ASB15: variants seen among roughly 807,000 people sequenced by gnomAD.
The protein encoded by ASB15 is ankyrin repeat and SOCS box containing 15.
A neutral mutation model predicts 58.0 loss-of-function variants in ASB15; 54 were observed. The ratio of observed to expected loss-of-function variants is 0.93; its 90% CI spans 0.75 to 1.17. ASB15 has a LOEUF of 1.17. ASB15 is among the 50% of genes most tolerant of loss of function. ASB15 has a pLI of 0.00. For missense variants in ASB15, 680 were observed against 707.4 expected (o/e 0.96, Z 0.44); for synonymous variants, 249 against 262.4 (o/e 0.95, Z 0.50).
intron 1 of ASB15, among the ~76,000 whole-genome samples, chr7:123,578,603 C>A (rs1193156284): frequency 6.6e-6 from 1 of 151,926 alleles, no homozygotes; most frequent in East Asian, 1.9e-4. Context: ...TTATGGAGAC[C>A]TTTGCCAATT....
chr7:123,624,810 C>T lies in ASB15; in HGVS notation c.693C>T (p.His231=). The change falls in exon 8 of 12, where the codon CAC becomes CAT. Residue 231 remains histidine (H), a synonymous_variant. Transcript: ENST00000451215. ...GHCDVLEHLI[H]KGGDVLALAD... ...GTGACGTGTTAGAACATCTAATCCACAAAGGTATGTGAAAAGGAGTTACAC... is the reference window on the plus strand; with the variant it reads ...GTGACGTGTTAGAACATCTAATCCATAAAGGTATGTGAAAAGGAGTTACAC... The T allele has an allele frequency of 6.2e-7, 1 of 1,613,510 alleles. No homozygotes were observed. The highest frequency in any genetic ancestry group is 8.5e-7 in the Non-Finnish European group (1 of 1,179,662).
chr7:123,572,918 T>C (rs1798954299), intron 1 of ASB15, among the ~76,000 whole-genome samples: 1 of 152,094 alleles, frequency 6.6e-6, no homozygotes, highest in South Asian at 2.1e-4. Context: ...TTTTTTCTCT[T>C]TTTTGTCTTT....
At chr7:123,578,723 G>C (rs1220114071) in intron 1 of ASB15, among the ~76,000 whole-genome samples, 1 of 151,950 alleles carries the variant, frequency 6.6e-6, no homozygotes, top group African/African-American at 2.4e-5. Context: ...TTGAATGCAC[G>C]GTTAGAATTT....
intron 1 of ASB15, among the ~76,000 whole-genome samples, chr7:123,584,446 A>G (rs189074143): frequency 2.0e-4 from 31 of 152,068 alleles, no homozygotes; most frequent in African/African-American, 7.0e-4. Context: ...ATGCAAGTCA[A>G]ACCTAAGAAC....
At chr7:123,625,007 C>T in intron 8 of ASB15, 193 bp downstream of exon 8, 2 of 626,738 alleles carry the variant, frequency 3.2e-6, no homozygotes, top group East Asian at 6.0e-5. Context: ...AAGCCCTATA[C>T]ATTGTGACCT....
chr7:123,615,123 T>C (rs531199712), intron 4 of ASB15, among the ~76,000 whole-genome samples: 3 of 152,282 alleles, frequency 2.0e-5, no homozygotes, highest in South Asian at 4.1e-4. Context: ...TTATTCTATA[T>C]GGCAAAGTAA....
chr7:123,568,805 T>A (rs1009908722), intron 1 of ASB15, among the ~76,000 whole-genome samples: 4 of 152,100 alleles, frequency 2.6e-5, no homozygotes, highest in Non-Finnish European at 2.9e-5. Context: ...GTAATTATTT[T>A]AAAAATGAAT....
At chr7:123,614,472 G>C (rs1380190154) in intron 3 of ASB15, 29 bp from the exon 4 acceptor site, 6 of 1,390,714 alleles carry the variant, frequency 4.3e-6, no homozygotes, top group Admixed American at 1.7e-5. Flanking sequence ...TTGATAATAA[G>C]AACTTGTCTC....
In ASB15 at chr7:123,594,287, G is replaced by A. The variant is rs112526775; in HGVS notation, c.-442-9745G>A. On this transcript the variant is annotated intron_variant, in intron 1 of 13. Coordinates refer to the ASB15 transcript ENST00000451558. The stretch of plus-strand genomic sequence containing the variant: ...TTCTGAGGCCTACTTCTGTCAACTC[G>A]TCAAACTCATTCTCTGTCCAGTTTT... 1.1e-4 allele frequency among the ~76,000 whole-genome samples: 17 copies of A among 152,088 alleles called. No individual in the cohort carries two copies. In the East Asian group the frequency reaches 1.2e-3, roughly 10 times the overall value.
chr7:123,636,406 GAT>G (rs900638401), intron 11 of ASB15, among the ~76,000 whole-genome samples: 1 of 152,166 alleles, frequency 6.6e-6, no homozygotes, highest in Non-Finnish European at 1.5e-5. Context: ...ATGTTTCATG[GAT>G]AGTTATTTAT....
intron 8 of ASB15, among the ~76,000 whole-genome samples, chr7:123,625,980 C>T (rs1427892975): frequency 6.6e-6 from 1 of 152,096 alleles, no homozygotes; most frequent in Non-Finnish European, 1.5e-5. Context: ...TTGCCCCCAG[C>T]TCTCACCATA....
At position 123,586,596 on chromosome 7, in the gene ASB15, TC is replaced by T. The variant is rs1298351193; in HGVS notation, c.-442-17434del. Among the ~76,000 whole-genome samples the T allele has an allele frequency of 1.3e-5, 2 of 151,840 alleles. 1 individual carries two copies. The highest frequency in any genetic ancestry group is 2.9e-5 in the Non-Finnish European group (2 of 67,838). On this transcript the variant is annotated intron_variant, in intron 1 of 13. Coordinates refer to the ASB15 transcript ENST00000451558. ...TGTTTATTTTTGCTTTTATTGCCTG[TC>T]CTTTTGGTGTCATATCCAAAAAATT...
At chr7:123,601,378 T>C (rs971385840), upstream of ASB15, among the ~76,000 whole-genome samples, 4 of 152,102 alleles carry the variant, frequency 2.6e-5, no homozygotes, top group African/African-American at 9.7e-5. Context: ...CTAGCAATTA[T>C]TAAACAAAAA....
rs574661365 is a variant in ASB15, at chr7:123,609,558, A to C, written c.-3+904A>C. On this transcript the variant is annotated intron_variant, in intron 3 of 11. Coordinates refer to ENST00000451215, the MANE Select transcript of ASB15 (RefSeq NM_001290258.2). ...CTTAGTCTCAAGGCCAGCCTTGTTT[A>C]GGACTCATAGAGATGGTTTCAATTT... Among the ~76,000 whole-genome samples, 10 of 152,344 alleles carry C rather than the reference A, an allele frequency of 6.6e-5. No homozygotes were observed. In the South Asian group the frequency reaches 2.1e-3, roughly 32 times the overall value.
intron 7 of ASB15, among the ~76,000 whole-genome samples, chr7:123,619,179 CAAAA>C (rs528943780): frequency 1.4e-3 from 79 of 55,252 alleles, no homozygotes; most frequent in East Asian, 2.0e-3. Context: ...GACGCCGTCT[CAAAA>C]AAAAAAAAAA....
rs566599157 is a variant in ASB15 at position 123,570,086 on chromosome 7, T to G, written c.-443+2998T>G. 4.7e-5 allele frequency among the ~76,000 whole-genome samples: 7 copies of G among 149,188 alleles called. No homozygotes were observed. The South Asian group carries it at 8.6e-4, about 18-fold the overall frequency. On this transcript the variant is annotated intron_variant, in intron 1 of 13. Transcript: ENST00000451558. ...GTCTGGCTCTGTTGCCCAGGCTGGC[T>G]TGCAGTGGCACGATCTCGGCTCACT...
At chr7:123,607,680 T>C (rs1800217190) in intron 2 of ASB15, among the ~76,000 whole-genome samples, 1 of 152,016 alleles carries the variant, frequency 6.6e-6, no homozygotes. Flanking sequence ...AGAGATGAGG[T>C]TTCACCATGT....
At chr7:123,574,356 C>T (rs1002083516) in intron 1 of ASB15, among the ~76,000 whole-genome samples, 3 of 152,046 alleles carry the variant, frequency 2.0e-5, no homozygotes, top group South Asian at 4.2e-4. Flanking sequence ...TAGTATATGT[C>T]GGAATCACCT....
At position 123,616,237 on chromosome 7, in the gene ASB15, G is replaced by T; in HGVS notation, c.124G>T (p.Ala42Ser). Reference sequence around the variant, plus strand: ...ATCTCATAGATTTGTACCCCTAAGTGCTCAAAACAGAAAACTTGTGGAGGC... The same window carrying T: ...ATCTCATAGATTTGTACCCCTAAGTTCTCAAAACAGAAAACTTGTGGAGGC... ...LCPERFVPLS[A>S]QNRKLVEAIK... The change falls in exon 5 of 12, where the codon GCT becomes TCT. Residue 42 changes from alanine (A) to serine (S), a missense_variant. Coordinates refer to ENST00000451215, the MANE Select transcript of ASB15 (RefSeq NM_001290258.2). The T allele has an allele frequency of 6.2e-7, 1 of 1,602,744 alleles. No individual in the cohort carries two copies. The highest frequency in any genetic ancestry group is 8.5e-7 in the Non-Finnish European group (1 of 1,169,976).
Sources: allele counts gnomAD v4.1 joint callset (sites outside exome capture counted in the v4.1 genomes callset), GRCh38; gene constraint gnomAD v4.1.1; transcripts MANE v1.5; gene names NCBI Gene and HGNC (gene_info 2026-07-23, HGNC 2026-07-21).